LOXL2: variants seen among roughly 807,000 people sequenced by gnomAD.
LOXL2 encodes lysyl oxidase homolog 2.
LOXL2 carries 70 observed loss-of-function variants against 93.0 expected under a neutral mutation model. That is an observed-to-expected ratio of 0.75 (90% CI 0.62 to 0.92). LOXL2 has a LOEUF of 0.92. LOXL2 is among the 40% of genes least tolerant of loss of function. The pLI is 0.00. For synonymous variants in LOXL2, 438 were observed against 413.2 expected (o/e 1.06, Z -0.73); for missense variants, 973 against 1,054.9 (o/e 0.92, Z 1.08).
intron 1 of LOXL2, among the ~76,000 whole-genome samples, chr8:23,384,049 C>T (rs182263593): frequency 7.9e-5 from 12 of 152,290 alleles, no homozygotes; most frequent in East Asian, 3.9e-4. Flanking sequence ...GGACCTGACC[C>T]GTGCCCTTCA....
intron 10 of LOXL2, among the ~76,000 whole-genome samples, chr8:23,307,015 C>A (rs976187541): frequency 6.6e-6 from 1 of 152,242 alleles, no homozygotes; most frequent in Non-Finnish European, 1.5e-5. Context: ...AAGAACAGAG[C>A]TCTCTTCCCC....
intron 8 of LOXL2, among the ~76,000 whole-genome samples, chr8:23,318,186 A>AC (rs551562011): frequency 5.2e-4 from 74 of 142,386 alleles, no homozygotes; most frequent in Non-Finnish European, 7.1e-4. Context: ...AAAAAAAAAA[A>AC]AACCCAAAAA....
chr8:23,381,499 T>A (rs1804679876), intron 1 of LOXL2, among the ~76,000 whole-genome samples: 1 of 152,228 alleles, frequency 6.6e-6, no homozygotes, highest in African/African-American at 2.4e-5. Flanking sequence ...GTTTTCAAAC[T>A]TTCCTCCATC....
chr8:23,320,085 G>A, intron 7 of LOXL2, 33 bp from the exon 8 acceptor site: 2 of 1,610,260 alleles, frequency 1.2e-6, no homozygotes, highest in African/African-American at 1.3e-5. Context: ...CGGTCACCAA[G>A]AGGGACAAGG....
At chr8:23,376,093 ATTATT>A (rs911231137) in intron 1 of LOXL2, among the ~76,000 whole-genome samples, 2 of 151,874 alleles carry the variant, frequency 1.3e-5, no homozygotes, top group Non-Finnish European at 2.9e-5. Flanking sequence ...AATAGCTCTT[ATTATT>A]TTAAGATACG....
intron 2 of LOXL2, among the ~76,000 whole-genome samples, chr8:23,366,403 G>A (rs984730155): frequency 1.3e-5 from 2 of 152,216 alleles, no homozygotes; most frequent in African/African-American, 4.8e-5. Flanking sequence ...ATTTTCAATT[G>A]CATGGAGGTG....
At chr8:23,378,018 T>C (rs1004388535) in intron 1 of LOXL2, among the ~76,000 whole-genome samples, 2 of 152,210 alleles carry the variant, frequency 1.3e-5, no homozygotes, top group African/African-American at 2.4e-5. Flanking sequence ...TTAGTTGATG[T>C]AGTTTCTTCC....
intron 1 of LOXL2, among the ~76,000 whole-genome samples, chr8:23,400,973 G>A (rs576672056): frequency 6.6e-6 from 1 of 152,312 alleles, no homozygotes; most frequent in South Asian, 2.1e-4. Flanking sequence ...GACAGCAGGT[G>A]TATAGGAAGT....
intron 9 of LOXL2, among the ~76,000 whole-genome samples, chr8:23,310,334 C>A (rs552546969): frequency 6.6e-6 from 1 of 152,262 alleles, no homozygotes; most frequent in African/African-American, 2.4e-5. Context: ...ATTGTGCTAC[C>A]CAGAGAGAAA....
chr8:23,369,125 A>G (rs975164529), intron 1 of LOXL2, among the ~76,000 whole-genome samples: 3 of 152,120 alleles, frequency 2.0e-5, no homozygotes, highest in African/African-American at 7.2e-5. Context: ...TGTTCAACAC[A>G]CCCACCCTCC....
intron 5 of LOXL2, among the ~76,000 whole-genome samples, chr8:23,330,100 T>G (rs1291912401): frequency 6.7e-6 from 1 of 148,714 alleles, no homozygotes; most frequent in African/African-American, 2.5e-5. Flanking sequence ...CCAAGGCGGG[T>G]GGATCACGAG....
In LOXL2 at chr8:23,309,869, G is replaced by A. The variant is rs1294226861; in HGVS notation, c.1679C>T (p.Thr560Ile). 1 of 1,581,748 alleles carries A rather than the reference G, an allele frequency of 6.3e-7. No homozygotes were observed. The highest frequency in any genetic ancestry group is 1.8e-5 in the Admixed American group (1 of 56,282). ...LVLNAEMVQQ[T>I]TYLEDRPMFM... ...CATGGGCCGGTCCTCCAGGTAGGTGGTCTGCTGCACCATCTCCGCATTGAG... is the reference window on the plus strand; with the variant it reads ...CATGGGCCGGTCCTCCAGGTAGGTGATCTGCTGCACCATCTCCGCATTGAG... Residue 560 changes from threonine (T) to isoleucine (I), a missense_variant, in exon 10 of 14, where the codon ACC becomes ATC. Physicochemically the swap from Thr to Ile is moderately conservative, Grantham distance 89 (BLOSUM62 -1). Coordinates refer to ENST00000389131, the MANE Select transcript of LOXL2 (RefSeq NM_002318.3).
chr8:23,342,427 CTTTTT>C (rs1422914029), intron 3 of LOXL2, among the ~76,000 whole-genome samples: 6 of 150,012 alleles, frequency 4.0e-5, no homozygotes, highest in Admixed American at 4.0e-4. Flanking sequence ...CCTCTTTTTT[CTTTTT>C]CTTTTTTTTT....
intron 9 of LOXL2, among the ~76,000 whole-genome samples, chr8:23,314,674 G>A (rs1803366168): frequency 6.6e-6 from 1 of 151,622 alleles, no homozygotes; most frequent in Non-Finnish European, 1.5e-5. Flanking sequence ...GGATAGCACT[G>A]GGAGATATAC....
intron 1 of LOXL2, among the ~76,000 whole-genome samples, chr8:23,373,137 A>G (rs1327293525): frequency 6.6e-6 from 1 of 152,192 alleles, no homozygotes; most frequent in Non-Finnish European, 1.5e-5. Flanking sequence ...CATCCAGCTC[A>G]CAGTACTAAA....
intron 1 of LOXL2, among the ~76,000 whole-genome samples, chr8:23,397,598 G>A (rs1020128296): frequency 2.6e-5 from 4 of 152,026 alleles, no homozygotes; most frequent in African/African-American, 9.7e-5. Flanking sequence ...CTAACACGGT[G>A]AAACCCTGTA....
intron 1 of LOXL2, among the ~76,000 whole-genome samples, chr8:23,390,501 T>A (rs6557667): frequency 6.6e-6 from 1 of 152,104 alleles, no homozygotes; most frequent in East Asian, 1.9e-4. Context: ...AACTGCATTT[T>A]TTCCCCCAGC....
chr8:23,301,102 C>T (rs1185281193), intron 12 of LOXL2, among the ~76,000 whole-genome samples: 1 of 152,216 alleles, frequency 6.6e-6, no homozygotes, highest in Non-Finnish European at 1.5e-5. Flanking sequence ...GACCGTGGGC[C>T]AGGCCCTGGG....
chr8:23,400,421 T>C (rs1563212878), intron 1 of LOXL2, among the ~76,000 whole-genome samples: 1 of 152,022 alleles, frequency 6.6e-6, no homozygotes, highest in Non-Finnish European at 1.5e-5. Flanking sequence ...GATTTACTTC[T>C]CAGGGGAAAG....
Sources: allele counts gnomAD v4.1 joint callset (sites outside exome capture counted in the v4.1 genomes callset), GRCh38; gene constraint gnomAD v4.1.1; transcripts MANE v1.5; gene names NCBI Gene and HGNC (gene_info 2026-07-23, HGNC 2026-07-21).